Variants in PDIA4 observed in about 807,000 individuals in gnomAD.
The protein encoded by PDIA4 is protein disulfide-isomerase A4.
PDIA4 carries 33 observed loss-of-function variants against 62.1 expected under a neutral mutation model. That is an observed-to-expected ratio of 0.53 (90% CI 0.40 to 0.71). PDIA4 has a LOEUF of 0.71. PDIA4 is among the 30% of genes least tolerant of loss of function. The pLI is 0.00. For synonymous variants in PDIA4, 341 were observed against 324.1 expected (o/e 1.05, Z -0.56); for missense variants, 804 against 813.6 (o/e 0.99, Z 0.14).
At chr7:149,015,775 T>G (rs367932421) in intron 3 of PDIA4, among the ~76,000 whole-genome samples, 1 of 152,252 alleles carries the variant, frequency 6.6e-6, no homozygotes, top group Non-Finnish European at 1.5e-5. Flanking sequence ...GTCTTCAAAC[T>G]GAAACGTGCA....
At chr7:149,009,482 G>GGAGGTTTAAATCTCCCTTCCTC (rs1363258197) in intron 6 of PDIA4, among the ~76,000 whole-genome samples, 1 of 152,158 alleles carries the variant, frequency 6.6e-6, no homozygotes, top group Non-Finnish European at 1.5e-5. Flanking sequence ...CACCCTTCGT[G>GGAGGTTTAAATCTCCCTTCCTC]GAGGTTTAAA....
chr7:149,024,563 G>A (rs537698626), intron 1 of PDIA4, among the ~76,000 whole-genome samples: 1 of 151,942 alleles, frequency 6.6e-6, no homozygotes, highest in Non-Finnish European at 1.5e-5. Context: ...TGTAATCCAC[G>A]TGCTCCTCTG....
intron 6 of PDIA4, among the ~76,000 whole-genome samples, chr7:149,009,514 G>A (rs1270779001): frequency 2.0e-5 from 3 of 152,142 alleles, no homozygotes; most frequent in Non-Finnish European, 4.4e-5. Flanking sequence ...CAAGTTGGTG[G>A]GCTGCCTGTT....
chr7:149,020,878 ACCC>A, intron 2 of PDIA4, 86 bp downstream of exon 2: 1 of 1,514,362 alleles, frequency 6.6e-7, no homozygotes, highest in Non-Finnish European at 8.9e-7. Flanking sequence ...CTCCTACCCC[ACCC>A]CCCAAGGTCT....
At chr7:149,025,825 G>A (rs1275178528) in intron 1 of PDIA4, among the ~76,000 whole-genome samples, 2 of 152,150 alleles carry the variant, frequency 1.3e-5, no homozygotes, top group Non-Finnish European at 2.9e-5. Flanking sequence ...CGAAAAATAG[G>A]TGAATTTCTA....
At chr7:149,008,419 G>A in intron 6 of PDIA4, 109 bp from the exon 7 acceptor site, 6 of 1,151,598 alleles carry the variant, frequency 5.2e-6, no homozygotes, top group Non-Finnish European at 7.5e-6. Context: ...GACCACTGTA[G>A]GCTGGGCGCG....
intron 6 of PDIA4, among the ~76,000 whole-genome samples, 170 bp downstream of exon 6, chr7:149,011,676 C>A (rs1369301464): frequency 6.6e-6 from 1 of 152,204 alleles, no homozygotes; most frequent in Non-Finnish European, 1.5e-5. Flanking sequence ...CACAGGGGAC[C>A]CATCTCCAGC....
chr7:149,015,831 G>GC (rs972129991), intron 3 of PDIA4, among the ~76,000 whole-genome samples: 2 of 152,220 alleles, frequency 1.3e-5, no homozygotes, highest in African/African-American at 2.4e-5. Context: ...TCTGTGCCCT[G>GC]CCCCCCAGAC....
At chr7:149,022,974 A>G (rs187450441) in intron 1 of PDIA4, among the ~76,000 whole-genome samples, 2 of 152,298 alleles carry the variant, frequency 1.3e-5, no homozygotes, top group Admixed American at 6.5e-5. Flanking sequence ...GTTTCAACTT[A>G]AGGCTTAGGA....
At position 149,028,493 on chromosome 7, in the gene PDIA4, T is replaced by G. The variant is rs527774291; in HGVS notation, c.-85A>C. 8 of 951,980 alleles carry G rather than the reference T, an allele frequency of 8.4e-6. 2 individuals carry two copies. In the South Asian group the frequency reaches 1.5e-4, roughly 17 times the overall value. 59.0% of individuals were successfully genotyped at this position (951,980 alleles called of 1,614,324 possible). Reference sequence around the variant, plus strand: ...CGGGGTCTGGCCGACAGCCCGTCGCTCCTTAGCGACGCGGGGGAGCCGGAA... The same window carrying G: ...CGGGGTCTGGCCGACAGCCCGTCGCGCCTTAGCGACGCGGGGGAGCCGGAA... On this transcript the variant is annotated 5_prime_UTR_variant, in exon 1 of 10. Coordinates refer to ENST00000652332, the MANE Select transcript of PDIA4 (RefSeq NM_004911.5).
intron 6 of PDIA4, among the ~76,000 whole-genome samples, chr7:149,008,555 T>C (rs1163050547): frequency 2.0e-5 from 3 of 151,754 alleles, no homozygotes; most frequent in Non-Finnish European, 2.9e-5. Flanking sequence ...ACACAAACAT[T>C]AGCCGGGTGT....
In PDIA4 at chr7:149,008,013, G is replaced by C. The variant is rs984721457; in HGVS notation, c.1131+146C>G. ...ACAGGCCGCCTGCAGAAAACCTGTGGGGTGGGGAGAACGGGCTGGAAAAGG... is the reference window on the plus strand; with the variant it reads ...ACAGGCCGCCTGCAGAAAACCTGTGCGGTGGGGAGAACGGGCTGGAAAAGG... On this transcript the variant is annotated intron_variant, in intron 7 of 9. Transcript: ENST00000652332. 6.8e-6 allele frequency: 5 copies of C among 735,306 alleles called. No individual in the cohort carries two copies. In the African/African-American group the frequency reaches 7.3e-5, roughly 11 times the overall value. The allele number at this position is 735,306 out of a possible 1,614,324, so 45.5% of individuals were successfully genotyped here. A position where few individuals can be genotyped will look rare whatever the true frequency, so the allele number is the denominator to read the frequency against.
intron 1 of PDIA4, among the ~76,000 whole-genome samples, chr7:149,026,074 T>C (rs1350590846): frequency 1.3e-5 from 2 of 148,408 alleles, no homozygotes; most frequent in African/African-American, 5.1e-5. Context: ...AAATCTAAAA[T>C]GTAACAGAAG....
At position 149,015,137 on chromosome 7, in the gene PDIA4, G is replaced by GT. The variant is rs956656720; in HGVS notation, c.476-96dup. 134 of 1,299,404 alleles carry GT rather than the reference G, an allele frequency of 1.0e-4. 3 individuals are homozygous for GT. In the African/African-American group the frequency reaches 1.6e-3, roughly 15 times the overall value. The allele number at this position is 1,299,404 out of a possible 1,614,324, so 80.5% of individuals were successfully genotyped here. A position where few individuals can be genotyped will look rare whatever the true frequency, so the allele number is the denominator to read the frequency against. The stretch of plus-strand genomic sequence containing the variant: ...CAGATGAGGAGGGGGAAGAAAGCAA[G>GT]TGTCGGGGCCCACAAGAACAGGAGG... On this transcript the variant is annotated intron_variant, in intron 3 of 9. Coordinates refer to ENST00000652332, the MANE Select transcript of PDIA4 (RefSeq NM_004911.5).
At chr7:149,020,491 T>C (rs1479708369) in intron 2 of PDIA4, among the ~76,000 whole-genome samples, 2 of 152,124 alleles carry the variant, frequency 1.3e-5, no homozygotes, top group South Asian at 2.1e-4. Flanking sequence ...TGGGGATGCC[T>C]GACTGGTCCC....
At chr7:149,008,132 G>A (rs751246359) in intron 7 of PDIA4, 27 bp downstream of exon 7, 15 of 1,608,222 alleles carry the variant, frequency 9.3e-6, no homozygotes, top group Middle Eastern at 1.7e-4. Context: ...GGTGTCCAGG[G>A]CTGGCATGGC....
chr7:149,026,345 C>G (rs575515468), intron 1 of PDIA4, among the ~76,000 whole-genome samples: 15 of 151,770 alleles, frequency 9.9e-5, no homozygotes, highest in Admixed American at 2.6e-4. Flanking sequence ...CCCATCTCTA[C>G]CAAAAAAAGA....
intron 6 of PDIA4, among the ~76,000 whole-genome samples, chr7:149,009,170 A>AC (rs1823861271): frequency 6.6e-6 from 1 of 151,670 alleles, no homozygotes; most frequent in Non-Finnish European, 1.5e-5. Flanking sequence ...ACATCAAGTG[A>AC]CCCGCCTGTC....
At chr7:149,009,480 G>A (rs772700467) in intron 6 of PDIA4, among the ~76,000 whole-genome samples, 10 of 152,282 alleles carry the variant, frequency 6.6e-5, no homozygotes, top group South Asian at 4.1e-4. Flanking sequence ...AGCACCCTTC[G>A]TGGAGGTTTA....
Sources: gnomAD v4.1 joint callset for allele counts (sites outside exome capture counted in the v4.1 genomes callset) on GRCh38, gnomAD v4.1.1 for gene constraint, MANE v1.5 for transcripts, NCBI Gene and HGNC (gene_info 2026-07-23, HGNC 2026-07-21) for gene names.